The following RGS6 variants were observed in gnomAD, a reference collection of about 807,000 sequenced individuals.
The protein encoded by RGS6 is regulator of G protein signaling 6.
In RGS6, 30 loss-of-function variants were observed where a neutral mutation model predicts 78.5. That is an observed-to-expected ratio of 0.38 (90% CI 0.29 to 0.52). RGS6 has a LOEUF of 0.52. RGS6 is among the 20% of genes least tolerant of loss of function. The probability of loss-of-function intolerance (pLI) is 0.85; values close to 1 mark genes in which losing one functional copy is unlikely to be tolerated. For synonymous variants in RGS6, 206 were observed against 206.0 expected (o/e 1.00, Z 0.00); for missense variants, 495 against 609.7 (o/e 0.81, Z 1.98).
intron 2 of RGS6, among the ~76,000 whole-genome samples, chr14:72,287,998 A>G (rs2062896037): frequency 6.6e-6 from 1 of 152,144 alleles, no homozygotes; most frequent in African/African-American, 2.4e-5. Flanking sequence ...TGTTTTCTAG[A>G]TAGGTGAGAC....
intron 1 of RGS6, among the ~76,000 whole-genome samples, chr14:71,947,154 A>G (rs2091647574): frequency 6.6e-6 from 1 of 152,150 alleles, no homozygotes; most frequent in East Asian, 1.9e-4. Flanking sequence ...CAGGCTCACT[A>G]TACAAATGTT....
chr14:72,157,437 G>C (rs2096788529), intron 2 of RGS6, among the ~76,000 whole-genome samples: 2 of 152,186 alleles, frequency 1.3e-5, no homozygotes, highest in African/African-American at 4.8e-5. Context: ...AAAACCTGTT[G>C]CATGTCCCTT....
At chr14:72,616,597 C>T in the RGS6 span, among the ~76,000 whole-genome samples, 1 of 152,128 alleles carries the variant, frequency 6.6e-6, no homozygotes, top group Non-Finnish European at 1.5e-5. Flanking sequence ...CTTAAGAGTC[C>T]CAGTGTCACT....
At chr14:72,046,828 C>G (rs971562022) in intron 2 of RGS6, among the ~76,000 whole-genome samples, 1 of 152,104 alleles carries the variant, frequency 6.6e-6, no homozygotes, top group African/African-American at 2.4e-5. Context: ...TCTTCGAGTA[C>G]CAACATGGCA....
chr14:72,341,839 T>C (rs1265031089), intron 2 of RGS6, among the ~76,000 whole-genome samples: 1 of 152,090 alleles, frequency 6.6e-6, no homozygotes, highest in African/African-American at 2.4e-5. Flanking sequence ...AGAAAGGAAA[T>C]GAACCAGAAA....
chr14:72,100,329 AC>A (rs1161390819), intron 2 of RGS6, among the ~76,000 whole-genome samples: 1 of 151,470 alleles, frequency 6.6e-6, no homozygotes, highest in Non-Finnish European at 1.5e-5. Flanking sequence ...ACATGGTGAA[AC>A]CTCCTCTCTC....
intron 2 of RGS6, among the ~76,000 whole-genome samples, chr14:72,270,645 T>C (rs1307616760): frequency 6.6e-6 from 1 of 152,192 alleles, no homozygotes; most frequent in Non-Finnish European, 1.5e-5. Flanking sequence ...GTGGCAACAA[T>C]AGTTTGGACT....
At chr14:72,517,729 G>A (rs917073726) in intron 14 of RGS6, among the ~76,000 whole-genome samples, 1 of 152,204 alleles carries the variant, frequency 6.6e-6, no homozygotes, top group African/African-American at 2.4e-5. Flanking sequence ...GGAATGGCTG[G>A]TTCATTCTTA....
At chr14:72,287,960 A>G (rs574021639) in intron 2 of RGS6, among the ~76,000 whole-genome samples, 1 of 152,340 alleles carries the variant, frequency 6.6e-6, no homozygotes, top group African/African-American at 2.4e-5. Flanking sequence ...GTCATGGTGT[A>G]TGGTACTTTT....
chr14:72,426,956 G>T (rs2153137541), intron 3 of RGS6, among the ~76,000 whole-genome samples: 1 of 152,314 alleles, frequency 6.6e-6, no homozygotes, highest in South Asian at 2.1e-4. Flanking sequence ...TGGGATGTTT[G>T]TGCTTAGAAT....
At chr14:72,439,743 T>C (rs1483431876) in intron 3 of RGS6, among the ~76,000 whole-genome samples, 1 of 152,190 alleles carries the variant, frequency 6.6e-6, no homozygotes, top group Non-Finnish European at 1.5e-5. Flanking sequence ...CTTCAACTGA[T>C]GGGTGACACC....
At chr14:72,129,115 T>C (rs1196027661) in intron 2 of RGS6, among the ~76,000 whole-genome samples, 1 of 152,180 alleles carries the variant, frequency 6.6e-6, no homozygotes, top group African/African-American at 2.4e-5. Flanking sequence ...AATTAAAATT[T>C]AGAGACCAGG....
chr14:72,592,113 T>A, the RGS6 span, among the ~76,000 whole-genome samples: 2 of 152,188 alleles, frequency 1.3e-5, no homozygotes, highest in Non-Finnish European at 2.9e-5. Context: ...CATCAGTGAT[T>A]CCATGGGAAC....
At chr14:72,547,281 G>C (rs1337046007) in intron 17 of RGS6, 1 of 1,535,646 alleles carries the variant, frequency 6.5e-7, no homozygotes, top group Non-Finnish European at 8.7e-7. Flanking sequence ...GTCAAGGAGA[G>C]GAGACCCAAC....
intron 2 of RGS6, among the ~76,000 whole-genome samples, chr14:72,138,309 C>T (rs2096480661): frequency 1.3e-5 from 2 of 152,138 alleles, no homozygotes; most frequent in African/African-American, 2.4e-5. Context: ...TTTGACACCT[C>T]TCCAGCAGCA....
chr14:72,432,057 C>A (rs1265376701), intron 3 of RGS6, among the ~76,000 whole-genome samples: 1 of 152,188 alleles, frequency 6.6e-6, no homozygotes, highest in Non-Finnish European at 1.5e-5. Context: ...ACCACTCCAA[C>A]AGTAGAAGCT....
At chr14:72,448,977 G>C (rs1289992535) in intron 3 of RGS6, among the ~76,000 whole-genome samples, 2 of 152,192 alleles carry the variant, frequency 1.3e-5, no homozygotes, top group African/African-American at 2.4e-5. Flanking sequence ...CAAGTGCCCA[G>C]CTCTGGCCTG....
intron 2 of RGS6, among the ~76,000 whole-genome samples, chr14:72,293,853 G>A (rs1389914005): frequency 6.6e-6 from 1 of 152,216 alleles, no homozygotes; most frequent in African/African-American, 2.4e-5. Flanking sequence ...TAGCACCAAA[G>A]TAGCCACAAA....
intron 2 of RGS6, among the ~76,000 whole-genome samples, chr14:71,984,927 C>T (rs1465411418): frequency 6.6e-6 from 1 of 152,082 alleles, no homozygotes; most frequent in African/African-American, 2.4e-5. Context: ...AAAAATCTCA[C>T]ATATTCCTAT....
Sources: allele counts gnomAD v4.1 joint callset (sites outside exome capture counted in the v4.1 genomes callset), GRCh38; gene constraint gnomAD v4.1.1; transcripts MANE v1.5; gene names NCBI Gene and HGNC (gene_info 2026-07-23, HGNC 2026-07-21).